CCDC9B: variants seen among roughly 807,000 people sequenced by gnomAD.
The protein encoded by CCDC9B is coiled-coil domain containing 9B.
A neutral mutation model predicts 47.2 loss-of-function variants in CCDC9B; 40 were observed. The ratio of observed to expected loss-of-function variants is 0.85; its 90% CI spans 0.66 to 1.10. CCDC9B has a LOEUF of 1.10. Among genes scored for constraint, CCDC9B ranks in the 50% least tolerant of loss-of-function variants. The pLI, the probability that CCDC9B is intolerant of heterozygous loss-of-function variation, is 0.00. For synonymous variants in CCDC9B, 238 were observed against 250.7 expected, an observed-to-expected ratio of 0.95 and a Z score of 0.48; for missense variants, 662 against 651.0, an observed-to-expected ratio of 1.02 and a Z score of -0.18.
chr15:40,339,530 G>A lies in CCDC9B; in HGVS notation c.213C>T (p.Thr71=). 1 of 1,613,810 alleles carries A rather than the reference G, an allele frequency of 6.2e-7. No homozygotes were observed. Among genetic ancestry groups the A allele is most frequent in the Non-Finnish European group, 8.5e-7 (1 of 1,179,886 alleles). ...GGCTTACACCGGGAACCTGGCTGAT[G>A]GTAACGGTGAGGCCATCAGGCTGGA... is the stretch of plus-strand genomic sequence containing the variant. ...ALLQPDGLTV[T]ISQVPGEKRV... Residue 71 remains threonine (T), a synonymous_variant, in exon 3 of 11, where the codon ACC becomes ACT. Transcript: ENST00000397536.
chr15:40,339,453 G>A lies in CCDC9B; in HGVS notation c.231+59C>T, dbSNP rs1463331115. 1.5e-5 allele frequency: 23 copies of A among 1,567,096 alleles called. No homozygotes were observed. In the East Asian group the frequency reaches 1.6e-4, roughly 11 times the overall value. Reference sequence around the variant, plus strand: ...GGAACAGAGGCAGCTGTCTTTCCCCGACATGGTCTGGGCCTCCACCTCCTT... The same window carrying A: ...GGAACAGAGGCAGCTGTCTTTCCCCAACATGGTCTGGGCCTCCACCTCCTT... On this transcript the variant is annotated intron_variant, in intron 3 of 10. Coordinates refer to ENST00000397536, the MANE Select transcript of CCDC9B (RefSeq NM_207380.3).
chr15:40,331,870 T>G lies in CCDC9B; in HGVS notation c.*3288A>C, dbSNP rs2141243818. 6.5e-6 allele frequency: 1 copy of G among 152,680 alleles called. No individual in the cohort carries two copies. The highest frequency in any genetic ancestry group is 1.5e-5 in the Non-Finnish European group (1 of 68,038). The allele number at this position is 152,680 out of a possible 1,614,324, so 9.5% of individuals were successfully genotyped here. A position where few individuals can be genotyped will look rare whatever the true frequency, so the allele number is the denominator to read the frequency against. ...CTGCCTGTCATCAAAACACATGTCTTTCTTGCAGGCTGGTCTATTGCATTT... is the reference window on the plus strand; with the variant it reads ...CTGCCTGTCATCAAAACACATGTCTGTCTTGCAGGCTGGTCTATTGCATTT... On this transcript the variant is annotated 3_prime_UTR_variant, in exon 11 of 11. Transcript: ENST00000397536.
At chr15:40,335,758 GC>G in intron 10 of CCDC9B, 25 bp downstream of exon 10, 2 of 1,606,434 alleles carry the variant, frequency 1.2e-6, no homozygotes, top group Non-Finnish European at 1.7e-6. Context: ...TCCCCAGCCT[GC>G]CCCATCCTAT....
rs376829111 is a variant in CCDC9B at position 40,338,650 on chromosome 15, A to C, written c.398T>G (p.Ile133Ser). 2.4e-5 allele frequency: 39 copies of C among 1,613,936 alleles called. No homozygotes were observed. In the African/African-American group the frequency reaches 4.9e-4, roughly 20 times the overall value. The stretch of plus-strand genomic sequence containing the variant: ...TGCTCTGGTAGGCTTTTCACTTACA[A>C]TCCGTTTGCCCTGGGGAGGATGAAG... ...TMENKAEGKR[I>S]VSEKPTRARN... Residue 133 changes from isoleucine (I) to serine (S), a missense_variant, in exon 5 of 11, where the codon ATT (isoleucine) becomes AGT (serine). Physicochemically the swap from Ile to Ser is moderately radical, Grantham distance 142. Coordinates refer to ENST00000397536, the MANE Select transcript of CCDC9B (RefSeq NM_207380.3).
chr15:40,339,599 C>T lies in CCDC9B; in HGVS notation c.144G>A (p.Arg48=), dbSNP rs368713963. The change falls in exon 3 of 11, where the codon CGG becomes CGA. Residue 48 remains arginine (R), a synonymous_variant. Transcript: ENST00000397536. ...CAGCCATCCCCCCCTGCTCTGCCTG[C>T]CGACGGTCCTCCTGGATCTCCTGTG... is the stretch of plus-strand genomic sequence containing the variant. ...RRYQEIQEDR[R]QAEQGGMAVT... is the part of the protein sequence containing the mutation. The T allele has an allele frequency of 3.1e-6, 5 of 1,613,424 alleles. No individual in the cohort carries two copies. In the African/African-American group the frequency reaches 4.0e-5, roughly 13 times the overall value.
chr15:40,339,436 G>A, intron 3 of CCDC9B, 76 bp downstream of exon 3: 2 of 1,480,406 alleles, frequency 1.4e-6, no homozygotes, highest in Non-Finnish European at 9.4e-7. Context: ...GGGGAACAGA[G>A]GCAGCTGTCT....
In CCDC9B at chr15:40,338,880, G is replaced by T; in HGVS notation, c.255C>A (p.Asn85Lys). Residue 85 changes from asparagine to lysine, a missense_variant, in exon 4 of 11, where the codon AAC becomes AAA. Coordinates refer to ENST00000397536, the MANE Select transcript of CCDC9B (RefSeq NM_207380.3). ...TGGGTCCACAGGTACCCCTTGCCCA[G>T]TTCCTGCTAACCACCCGCTTTTCCT... The part of the protein sequence containing the change: ...VPGEKRVVSR[N>K]WARGTCGPRV... 1.2e-6 allele frequency: 2 copies of T among 1,614,104 alleles called. No individual in the cohort carries two copies. Among genetic ancestry groups the T allele is most frequent in the Non-Finnish European group, 1.7e-6 (2 of 1,180,018 alleles).
rs1889078287 is a variant in CCDC9B, at chr15:40,340,904, TCTGCCGGCCTCTCC to T, written c.-99_-86del. On this transcript the variant is annotated 5_prime_UTR_variant, in exon 1 of 11. Coordinates refer to ENST00000397536, the MANE Select transcript of CCDC9B (RefSeq NM_207380.3). ...AAGCTGGAGCCACCGGAGCCGGGCC[TCTGCCGGCCTCTCC>T]CTGCCGGCTTCGCTGCTCAGCACAC... 1.2e-6 allele frequency: 2 copies of T among 1,607,646 alleles called. No homozygotes were observed. The highest frequency in any genetic ancestry group is 1.7e-5 in the Admixed American group (1 of 59,388).
Position 40,334,798 on chromosome 15 carries a change from A to C in CCDC9B, c.*360T>G. ...CCTGGGGGGGTGACGGGGAGCCAGG[A>C]GAGCCAGGTGCTGGGTGCCACCAAG... On this transcript the variant is annotated 3_prime_UTR_variant, in exon 11 of 11. Coordinates refer to ENST00000397536, the MANE Select transcript of CCDC9B (RefSeq NM_207380.3). 1 of 178,898 alleles carries C rather than the reference A, an allele frequency of 5.6e-6. No homozygotes were observed. The highest frequency in any genetic ancestry group is 1.2e-5 in the Non-Finnish European group (1 of 85,974). The allele number at this position is 178,898 out of a possible 1,614,324, so 11.1% of individuals were successfully genotyped here.
rs1888912332 is a variant in CCDC9B at position 40,334,368 on chromosome 15, T to A, written c.*790A>T. 6.6e-6 allele frequency: 1 copy of A among 152,242 alleles called. No homozygotes were observed. Among genetic ancestry groups the A allele is most frequent in the South Asian group, 2.1e-4 (1 of 4,818 alleles). The allele number at this position is 152,242 out of a possible 1,614,324, so 9.4% of individuals were successfully genotyped here. A position where few individuals can be genotyped will look rare whatever the true frequency, so the allele number is the denominator to read the frequency against. Reference sequence around the variant, plus strand: ...TGCAGGACGGTGGGGAAAGAGGAAGTGGAAAGAGCAGGAAATGACCCTGGG... The same window carrying A: ...TGCAGGACGGTGGGGAAAGAGGAAGAGGAAAGAGCAGGAAATGACCCTGGG... On this transcript the variant is annotated 3_prime_UTR_variant, in exon 11 of 11. Coordinates refer to ENST00000397536, the MANE Select transcript of CCDC9B (RefSeq NM_207380.3).
In CCDC9B at chr15:40,339,576, G is replaced by A. The variant is rs1253888524; in HGVS notation, c.167C>T (p.Ala56Val). 6.2e-7 allele frequency: 1 copy of A among 1,613,694 alleles called. No individual in the cohort carries two copies. The highest frequency in any genetic ancestry group is 1.3e-5 in the African/African-American group (1 of 75,006). Residue 56 changes from alanine to valine, a missense_variant, in exon 3 of 11, where the codon GCT (alanine) becomes GTT (valine). Transcript: ENST00000397536. ...CTGGAGGAGTGCTGGTGTGGTCACA[G>A]CCATCCCCCCCTGCTCTGCCTGCCG... is the stretch of plus-strand genomic sequence containing the variant. ...DRRQAEQGGM[A>V]VTTPALLQPD...
At chr15:40,338,252 G>A (rs1446637623) in intron 5 of CCDC9B, 4 of 652,502 alleles carry the variant, frequency 6.1e-6, no homozygotes, top group Non-Finnish European at 1.1e-5. Flanking sequence ...CTGGCACTTG[G>A]CCAGTCAACT....
intron 2 of CCDC9B, 43 bp from the exon 3 acceptor site, chr15:40,339,662 G>T (rs1189952032): frequency 6.2e-7 from 1 of 1,608,690 alleles, no homozygotes; most frequent in Non-Finnish European, 8.5e-7. Context: ...GGCCCCCCAG[G>T]TGCACAGAGA....
Position 40,335,300 on chromosome 15 carries a change from C to T in CCDC9B, c.1331G>A (p.Gly444Glu), listed in dbSNP as rs372826018. The T allele has an allele frequency of 2.0e-5, 33 of 1,613,252 alleles. No homozygotes were observed. In the African/African-American group the frequency reaches 3.9e-4, roughly 19 times the overall value. The change falls in exon 11 of 11, where the codon GGA (glycine) becomes GAA (glutamate). Residue 444 changes from glycine (G) to glutamate (E), a missense_variant. Transcript: ENST00000397536. ...PQRGAGLPEP[G>E]EDRSGKSGAQ... Reference sequence around the variant, plus strand: ...CCCAGACTTGCCAGACCTGTCTTCTCCGGGCTCTGGGAGCCCTGCTCCTCT... The same window carrying T: ...CCCAGACTTGCCAGACCTGTCTTCTTCGGGCTCTGGGAGCCCTGCTCCTCT...
intron 5 of CCDC9B, among the ~76,000 whole-genome samples, chr15:40,338,286 C>T (rs982265248): frequency 1.3e-5 from 2 of 152,230 alleles, no homozygotes; most frequent in Admixed American, 6.5e-5. Flanking sequence ...CCCTCCCCAA[C>T]TCCCATGCCA....
intron 3 of CCDC9B, 193 bp downstream of exon 3, chr15:40,339,319 C>T: frequency 1.6e-6 from 1 of 611,074 alleles, no homozygotes; most frequent in Non-Finnish European, 2.9e-6. Context: ...GATGCATCTA[C>T]TGGGGGTAGG....
chr15:40,335,539 G>A lies in CCDC9B; in HGVS notation c.1092C>T (p.Val364=), dbSNP rs778912544. The part of the protein sequence containing the change: ...GESVASTASS[V]PCSPQEPDLA... Reference sequence around the variant, plus strand: ...AGTCAGGCTCCTGTGGAGAGCAGGGGACTGAGCTGGCTGTGGAAGCCACTG... The same window carrying A: ...AGTCAGGCTCCTGTGGAGAGCAGGGAACTGAGCTGGCTGTGGAAGCCACTG... The change falls in exon 11 of 11, where the codon GTC becomes GTT. Residue 364 remains valine (V), a synonymous_variant. Transcript: ENST00000397536. The A allele has an allele frequency of 1.3e-6, 2 of 1,521,970 alleles. No homozygotes were observed. Among genetic ancestry groups the A allele is most frequent in the African/African-American group, 2.8e-5 (2 of 72,184 alleles). The allele number at this position is 1,521,970 out of a possible 1,614,324, so 94.3% of individuals were successfully genotyped here.
At chr15:40,339,785 ACCCTACCCCTGG>A in intron 2 of CCDC9B, 108 bp downstream of exon 2, 1 of 1,401,150 alleles carries the variant, frequency 7.1e-7, no homozygotes, top group South Asian at 1.3e-5. Context: ...GACCATGCCC[ACCCTACCCCTGG>A]CCCCAGCCCC....
rs1330727474 is a variant in CCDC9B, at chr15:40,340,920, T to C, written c.-101A>G. The C allele has an allele frequency of 6.2e-7, 1 of 1,608,260 alleles. No homozygotes were observed. The highest frequency in any genetic ancestry group is 1.3e-5 in the African/African-American group (1 of 74,630). ...AGCCGGGCCTCTGCCGGCCTCTCCC[T>C]GCCGGCTTCGCTGCTCAGCACACGA... On this transcript the variant is annotated 5_prime_UTR_variant, in exon 1 of 11. Coordinates refer to ENST00000397536, the MANE Select transcript of CCDC9B (RefSeq NM_207380.3).
Sources: allele counts gnomAD v4.1 joint callset (sites outside exome capture counted in the v4.1 genomes callset), GRCh38; gene constraint gnomAD v4.1.1; transcripts MANE v1.5; gene names NCBI Gene and HGNC (gene_info 2026-07-23, HGNC 2026-07-21).